Variants in SGPP2 observed in about 807,000 individuals in gnomAD.
The protein encoded by SGPP2 is sphingosine 1-phosphate phosphohydrolase 2.
A neutral mutation model predicts 33.9 loss-of-function variants in SGPP2; 30 were observed. The observed-to-expected ratio is 0.89, with a 90% CI of 0.66 to 1.20. The LOEUF (loss-of-function observed/expected upper bound fraction) is 1.20, where lower values mean the gene tolerates loss of function less well. SGPP2 is among the 50% of genes most tolerant of loss of function. The pLI is 0.00. For missense variants in SGPP2, 458 were observed against 532.1 expected, an observed-to-expected ratio of 0.86 and a Z score of 1.37; for synonymous variants, 233 against 225.0, an observed-to-expected ratio of 1.04 and a Z score of -0.32.
chr2:222,485,480 C>T (rs1698091768), intron 2 of SGPP2, among the ~76,000 whole-genome samples: 1 of 152,220 alleles, frequency 6.6e-6, no homozygotes. Context: ...TGTTTCGGAG[C>T]TGGAGGCCTG....
chr2:222,494,130 C>CT (rs2106112658), intron 2 of SGPP2, among the ~76,000 whole-genome samples: 1 of 152,296 alleles, frequency 6.6e-6, no homozygotes, highest in South Asian at 2.1e-4. Flanking sequence ...CAGCCCTTCC[C>CT]TGTCTGTAAA....
intron 1 of SGPP2, 30 bp downstream of exon 1, chr2:222,424,851 G>T (rs1045351224): frequency 1.5e-6 from 2 of 1,308,424 alleles, no homozygotes; most frequent in Non-Finnish European, 9.7e-7. Context: ...CGCCGGGTAC[G>T]GGGAGGGGGC....
At chr2:222,494,489 G>A (rs143150175) in intron 2 of SGPP2, among the ~76,000 whole-genome samples, 14 of 152,324 alleles carry the variant, frequency 9.2e-5, no homozygotes, top group Admixed American at 2.6e-4. Flanking sequence ...AGGAGGCAGC[G>A]GTGGTCTCCC....
At chr2:222,518,448 A>C (rs1698638053) in intron 2 of SGPP2, among the ~76,000 whole-genome samples, 1 of 152,090 alleles carries the variant, frequency 6.6e-6, no homozygotes, top group Non-Finnish European at 1.5e-5. Context: ...GGATGTGAGG[A>C]TTTTAAGTAT....
In SGPP2 at chr2:222,476,959, AGT is replaced by A. The variant is rs1273196894; in HGVS notation, c.378+2238_378+2239del. Among the ~76,000 whole-genome samples the A allele has an allele frequency of 6.6e-6, 1 of 151,284 alleles. No individual in the cohort carries two copies. Among genetic ancestry groups the A allele is most frequent in the African/African-American group, 2.4e-5 (1 of 41,008 alleles). Reference sequence around the variant, plus strand: ...TATAGGTGTGTATGTATGTATGTATAGTGTGTATATGTGTATATATAGGTGTG... The same window carrying A: ...TATAGGTGTGTATGTATGTATGTATAGTGTATATGTGTATATATAGGTGTG... On this transcript the variant is annotated intron_variant, in intron 2 of 4. Coordinates refer to ENST00000321276, the MANE Select transcript of SGPP2 (RefSeq NM_152386.4). The surrounding 1 kb of genome is among the most constrained non-coding windows in gnomAD (Gnocchi z 4.3).
At position 222,454,596 on chromosome 2, in the gene SGPP2, C is replaced by T. The variant is rs562951412; in HGVS notation, c.220-19972C>T. On this transcript the variant is annotated intron_variant, in intron 1 of 4. Coordinates refer to ENST00000321276, the MANE Select transcript of SGPP2 (RefSeq NM_152386.4). ...AGTGTAATGGAGGACCAGAAACACA[C>T]ATAGACTTGTTCCTGGATAGCTGAG... Among the ~76,000 whole-genome samples, 6 of 152,270 alleles carry T rather than the reference C, an allele frequency of 3.9e-5. No homozygotes were observed. In the South Asian group the frequency reaches 1.2e-3, roughly 32 times the overall value.
intron 4 of SGPP2, among the ~76,000 whole-genome samples, chr2:222,542,838 A>G (rs1419403567): frequency 6.7e-6 from 1 of 148,884 alleles, no homozygotes; most frequent in African/African-American, 2.5e-5. Context: ...TTCTTGAGAC[A>G]AGGTCTCATT....
intron 4 of SGPP2, among the ~76,000 whole-genome samples, chr2:222,543,780 A>G (rs1689127502): frequency 6.6e-6 from 1 of 152,224 alleles, no homozygotes; most frequent in African/African-American, 2.4e-5. Flanking sequence ...GGTATCAGAT[A>G]GTGACAGCCC....
chr2:222,466,253 C>CTTTTTTTT (rs34005867), intron 1 of SGPP2, among the ~76,000 whole-genome samples: 1 of 104,702 alleles, frequency 9.6e-6, no homozygotes, highest in African/African-American at 3.7e-5. Context: ...CTGTTTTCAA[C>CTTTTTTTT]TTTTTTTTTT....
chr2:222,548,179 C>T (rs1190840581), intron 4 of SGPP2, among the ~76,000 whole-genome samples: 1 of 152,190 alleles, frequency 6.6e-6, no homozygotes, highest in Non-Finnish European at 1.5e-5. Context: ...CAATAGTAAA[C>T]AATAAGTTGA....
Position 222,474,652 on chromosome 2 carries a change from T to A in SGPP2, c.304T>A (p.Tyr102Asn). The A allele has an allele frequency of 6.2e-7, 1 of 1,613,986 alleles. No homozygotes were observed. Among genetic ancestry groups the A allele is most frequent in the Non-Finnish European group, 8.5e-7 (1 of 1,179,874 alleles). ...FSAALGQEVFYITFLPFTHWN... is the reference protein window; with the variant it reads ...FSAALGQEVFNITFLPFTHWN... ...AGCTGCTTTGGGCCAAGAAGTGTTC[T>A]ACATCACGTTTCTTCCATTCACTCA... is the stretch of plus-strand genomic sequence containing the variant. Residue 102 changes from tyrosine (Y) to asparagine (N), a missense_variant, in exon 2 of 5, where the codon TAC becomes AAC. Physicochemically the swap from Tyr to Asn is moderately radical, Grantham distance 143. Transcript: ENST00000321276.
At chr2:222,536,999 A>G (rs879680541) in intron 4 of SGPP2, among the ~76,000 whole-genome samples, 3 of 152,242 alleles carry the variant, frequency 2.0e-5, no homozygotes, top group Non-Finnish European at 4.4e-5. Context: ...ACCTTCTTCA[A>G]AAGGCAAATG....
At chr2:222,474,535 A>C in intron 1 of SGPP2, 33 bp from the exon 2 acceptor site, 1 of 1,601,974 alleles carries the variant, frequency 6.2e-7, no homozygotes, top group Non-Finnish European at 8.5e-7. Flanking sequence ...ATATTGCATG[A>C]ACTCACAGAG....
chr2:222,559,131 A>G lies in SGPP2; in HGVS notation c.*233A>G. The G allele has an allele frequency of 2.9e-6, 1 of 348,106 alleles. No individual in the cohort carries two copies. The highest frequency in any genetic ancestry group is 5.8e-5 in the South Asian group (1 of 17,192). The allele number at this position is 348,106 out of a possible 1,614,324, so 21.6% of individuals were successfully genotyped here. A position where few individuals can be genotyped will look rare whatever the true frequency, so the allele number is the denominator to read the frequency against. ...TACAGTTGAACCCAGGCTAAAGACC[A>G]TAATCCGGATCTTTAAAGGCACACA... On this transcript the variant is annotated 3_prime_UTR_variant, in exon 5 of 5. Coordinates refer to ENST00000321276, the MANE Select transcript of SGPP2 (RefSeq NM_152386.4).
Position 222,561,527 on chromosome 2 carries a change from T to TATC in SGPP2, c.*2632_*2634dup, listed in dbSNP as rs569404613. Among the ~76,000 whole-genome samples the TATC allele has an allele frequency of 0.032, 4,618 of 143,058 alleles. 114 individuals carry two copies. Among genetic ancestry groups the TATC allele is most frequent in the African/African-American group, 0.069 (2,773 of 40,452 alleles). The allele number at this position is 143,058 out of a possible 152,430, so 93.9% of individuals were successfully genotyped here. A position where few individuals can be genotyped will look rare whatever the true frequency, so the allele number is the denominator to read the frequency against. On this transcript the variant is annotated 3_prime_UTR_variant, in exon 5 of 5. Transcript: ENST00000321276. ...GCCTCTCATATATATGATATATATATATCATTTTATATATATATATATATC... is the reference window on the plus strand; with the variant it reads ...GCCTCTCATATATATGATATATATATATCATCATTTTATATATATATATATATC...
At chr2:222,426,420 G>A (rs755227671) in intron 1 of SGPP2, among the ~76,000 whole-genome samples, 8 of 152,140 alleles carry the variant, frequency 5.3e-5, no homozygotes, top group Non-Finnish European at 1.0e-4. Context: ...TGTTCCACCA[G>A]TGCTTCTCAA....
At chr2:222,479,279 A>G (rs893247915) in intron 2 of SGPP2, among the ~76,000 whole-genome samples, 9 of 151,884 alleles carry the variant, frequency 5.9e-5, no homozygotes. Flanking sequence ...GGCTTCAAGT[A>G]TTACAATGAT....
At position 222,474,691 on chromosome 2, in the gene SGPP2, C is replaced by A; in HGVS notation, c.343C>A (p.Pro115Thr). The change falls in exon 2 of 5, where the codon CCT becomes ACT. Residue 115 changes from proline to threonine, a missense_variant. Transcript: ENST00000321276. ...TCCATTCACTCACTGGAATATTGACCCTTATTTATCCAGAAGATTGATCAT... is the reference window on the plus strand; with the variant it reads ...TCCATTCACTCACTGGAATATTGACACTTATTTATCCAGAAGATTGATCAT... ...FLPFTHWNID[P>T]YLSRRLIIIW... 2 of 1,613,810 alleles carry A rather than the reference C, an allele frequency of 1.2e-6. No homozygotes were observed. Among genetic ancestry groups the A allele is most frequent in the South Asian group, 2.2e-5 (2 of 91,070 alleles).
Position 222,517,758 on chromosome 2 carries a change from G to A in SGPP2, c.379-4009G>A, listed in dbSNP as rs564291066. Among the ~76,000 whole-genome samples the A allele has an allele frequency of 3.3e-5, 5 of 152,308 alleles. No homozygotes were observed. The South Asian group carries it at 6.2e-4, about 19-fold the overall frequency. Reference sequence around the variant, plus strand: ...TGCCCAGGCTCCCTGCACCCTGCCCGTCTGTGTGCTTCCCCTCCTATAAGG... The same window carrying A: ...TGCCCAGGCTCCCTGCACCCTGCCCATCTGTGTGCTTCCCCTCCTATAAGG... On this transcript the variant is annotated intron_variant, in intron 2 of 4. Transcript: ENST00000321276.
Sources: gnomAD v4.1 joint callset for allele counts (sites outside exome capture counted in the v4.1 genomes callset) on GRCh38, gnomAD v4.1.1 for gene constraint, Gnocchi (gnomAD v3.1) non-coding constraint, MANE v1.5 for transcripts, NCBI Gene and HGNC (gene_info 2026-07-23, HGNC 2026-07-21) for gene names.